Variants in PPIP5K2 observed in about 807,000 individuals in gnomAD.
The protein encoded by PPIP5K2 is diphosphoinositol pentakisphosphate kinase 2.
In PPIP5K2, 105 loss-of-function variants were observed where a neutral mutation model predicts 154.6. The observed-to-expected ratio is 0.68, with a 90% CI of 0.58 to 0.80. The LOEUF is 0.80. Ranked by LOEUF, PPIP5K2 falls within the 30% of genes least tolerant of loss-of-function variation. The pLI is 0.00. For synonymous variants in PPIP5K2, 480 were observed against 490.3 expected (o/e 0.98, Z 0.28); for missense variants, 992 against 1,504.6 (o/e 0.66, Z 5.64).
rs781784373 is a variant in PPIP5K2, at chr5:103,173,170, A to G, written c.2302A>G (p.Lys768Glu). Residue 768 changes from lysine to glutamate, a missense_variant, in exon 20 of 31, where the codon AAA (lysine) becomes GAA (glutamate). Around this residue, in one of 9 missense-constraint regions of PPIP5K2, gnomAD observed 157 missense variants for 281.2 expected, o/e 0.56. Transcript: ENST00000358359. ...TTTTGCTCAGGAATATGGTATAACT[A>G]AAGCTGAAAAACTGGAGATTGCCAA... ...IVIPQEYGIT[K>E]AEKLEIAKGY... 9.3e-6 allele frequency: 15 copies of G among 1,606,824 alleles called. No individual in the cohort carries two copies. The highest frequency in any genetic ancestry group is 1.7e-4 in the Middle Eastern group (1 of 5,996).
Position 103,204,285 on chromosome 5 carries a change from C to T in PPIP5K2, c.*2651C>T, listed in dbSNP as rs1554231598. On this transcript the variant is annotated 3_prime_UTR_variant, in exon 31 of 31. Coordinates refer to ENST00000358359, the MANE Select transcript of PPIP5K2 (RefSeq NM_001276277.3). ...TAGTGTACAGTGTTTATTAACTTTA[C>T]ATCATTTTATCCTTGCCTTACTATC... is the stretch of plus-strand genomic sequence containing the variant. 6.6e-6 allele frequency: 1 copy of T among 152,094 alleles called. No individual in the cohort carries two copies. Among genetic ancestry groups the T allele is most frequent in the African/African-American group, 2.4e-5 (1 of 41,390 alleles). The allele number at this position is 152,094 out of a possible 1,614,324, so 9.4% of individuals were successfully genotyped here. A position where few individuals can be genotyped will look rare whatever the true frequency, so the allele number is the denominator to read the frequency against.
chr5:103,192,013 T>A (rs1801320548), intron 29 of PPIP5K2, among the ~76,000 whole-genome samples: 1 of 152,110 alleles, frequency 6.6e-6, no homozygotes, highest in Non-Finnish European at 1.5e-5. Context: ...TTCTCTTTCC[T>A]GGGCCATCAC....
intron 28 of PPIP5K2, among the ~76,000 whole-genome samples, chr5:103,190,278 T>G (rs1801024109): frequency 6.6e-6 from 1 of 152,038 alleles, no homozygotes; most frequent in Non-Finnish European, 1.5e-5. Flanking sequence ...TATGTGTTAA[T>G]TCAGTAAAGG....
rs1795713640 is a variant in PPIP5K2, at chr5:103,158,202, G to A, written c.1504G>A (p.Glu502Lys). The part of the protein sequence containing the change: ...SSEEEDSRRE[E>K]PSLLLVLKWG... ...ATGTGTCATAGACAGCCGAAGAGAA[G>A]AACCATCTTTACTTTTGGTTCTAAA... The change falls in exon 15 of 31, where the codon GAA becomes AAA. Residue 502 changes from glutamate to lysine, a missense_variant. This residue lies in a region of PPIP5K2 where 163 missense variants were observed against 285.2 expected (regional missense o/e 0.57). Transcript: ENST00000358359. 6.2e-7 allele frequency: 1 copy of A among 1,613,484 alleles called. No individual in the cohort carries two copies. Among genetic ancestry groups the A allele is most frequent in the South Asian group, 1.1e-5 (1 of 91,066 alleles).
Position 103,158,480 on chromosome 5 carries a change from T to G in PPIP5K2, c.1644T>G (p.Gly548=), listed in dbSNP as rs1255632636. The change falls in exon 16 of 31, where the codon GGT becomes GGG. Residue 548 remains glycine (G), a synonymous_variant. Transcript: ENST00000358359. ...QGDYAGFPGC[G]LLRLHSTYRH... ...ATTATGCAGGATTTCCTGGTTGTGG[T>G]TTACTTAGATTACATAGCACCTACA... is the stretch of plus-strand genomic sequence containing the variant. The G allele has an allele frequency of 6.2e-7, 1 of 1,610,684 alleles. No homozygotes were observed. The highest frequency in any genetic ancestry group is 1.3e-5 in the African/African-American group (1 of 74,664).
In PPIP5K2 at chr5:103,153,857, T is replaced by G; in HGVS notation, c.1140T>G (p.Leu380=). 1 of 1,598,294 alleles carries G rather than the reference T, an allele frequency of 6.3e-7. No individual in the cohort carries two copies. Among genetic ancestry groups the G allele is most frequent in the Non-Finnish European group, 8.5e-7 (1 of 1,173,212 alleles). ...VPTTSGTMME[L]RCVIAVIRHG... is the part of the protein sequence containing the mutation. The stretch of plus-strand genomic sequence containing the variant: ...TATTTTTTCATTTTAGGATGGAACT[T>G]AGATGTGTCATAGCTGTTATACGTC... The change falls in exon 11 of 31, where the codon CTT becomes CTG. Residue 380 remains leucine (L), a synonymous_variant. Transcript: ENST00000358359.
At position 103,147,965 on chromosome 5, in the gene PPIP5K2, G is replaced by A; in HGVS notation, c.677G>A (p.Ser226Asn). 4 of 1,602,816 alleles carry A rather than the reference G, an allele frequency of 2.5e-6. No individual in the cohort carries two copies. The highest frequency in any genetic ancestry group is 2.6e-6 in the Non-Finnish European group (3 of 1,173,650). Residue 226 changes from serine to asparagine, a missense_variant, in exon 7 of 31, where the codon AGC (serine) becomes AAC (asparagine). Ser to Asn is a conservative substitution (Grantham distance 46). Coordinates refer to ENST00000358359, the MANE Select transcript of PPIP5K2 (RefSeq NM_001276277.3). ...AGAAGTAGTGTTTATTCTCCAGAAAGCAATGTACGAAAAACAGGCTCATAT... is the reference window on the plus strand; with the variant it reads ...AGAAGTAGTGTTTATTCTCCAGAAAACAATGTACGAAAAACAGGCTCATAT... ...GSRSSVYSPESNVRKTGSYIY... is the reference protein window; with the variant it reads ...GSRSSVYSPENNVRKTGSYIY...
chr5:103,127,281 G>A (rs751862149), intron 1 of PPIP5K2, among the ~76,000 whole-genome samples: 26 of 151,998 alleles, frequency 1.7e-4, no homozygotes, highest in Non-Finnish European at 3.1e-4. Context: ...ACTGGACCTG[G>A]CATTTCCTAT....
In PPIP5K2 at chr5:103,206,348, C is replaced by G. The variant is rs187729952; in HGVS notation, c.*4714C>G. 6.6e-6 allele frequency: 1 copy of G among 152,086 alleles called. No individual in the cohort carries two copies. The highest frequency in any genetic ancestry group is 1.9e-4 in the East Asian group (1 of 5,194). The allele number at this position is 152,086 out of a possible 1,614,324, so 9.4% of individuals were successfully genotyped here. ...ATATTTTTTTTGTTCATGTCCAACA[C>G]AATAAAAATTGAGGGAAGTTCTGTC... On this transcript the variant is annotated 3_prime_UTR_variant, in exon 31 of 31. Transcript: ENST00000358359.
At chr5:103,170,229 T>C (rs1554219170) in intron 19 of PPIP5K2, among the ~76,000 whole-genome samples, 1 of 151,514 alleles carries the variant, frequency 6.6e-6, no homozygotes, top group African/African-American at 2.4e-5. Context: ...CTTAAATAAA[T>C]TCATAATAAA....
rs782774532 is a variant in PPIP5K2, at chr5:103,138,104, A to C, written c.402-280A>C. Reference sequence around the variant, plus strand: ...GTGATAATATCAACTTTATTCAGCCATTTTTAAAATACATTTATGTTCTCA... The same window carrying C: ...GTGATAATATCAACTTTATTCAGCCCTTTTTAAAATACATTTATGTTCTCA... On this transcript the variant is annotated intron_variant, in intron 4 of 30. Coordinates refer to ENST00000358359, the MANE Select transcript of PPIP5K2 (RefSeq NM_001276277.3). Among the ~76,000 whole-genome samples, 3 of 152,154 alleles carry C rather than the reference A, an allele frequency of 2.0e-5. No homozygotes were observed. The East Asian group carries it at 5.8e-4, about 29-fold the overall frequency.
At chr5:103,172,069 C>T (rs1380638895) in intron 19 of PPIP5K2, among the ~76,000 whole-genome samples, 1 of 151,580 alleles carries the variant, frequency 6.6e-6, no homozygotes, top group Non-Finnish European at 1.5e-5. Context: ...AGTTTTTACC[C>T]AGACCAGCAG....
chr5:103,132,922 G>T (rs1790876406), intron 2 of PPIP5K2, among the ~76,000 whole-genome samples: 1 of 152,192 alleles, frequency 6.6e-6, no homozygotes, highest in Non-Finnish European at 1.5e-5. Flanking sequence ...GACAGGAGGG[G>T]CAAAGAGACT....
intron 27 of PPIP5K2, among the ~76,000 whole-genome samples, chr5:103,187,031 T>C (rs565182345): frequency 2.5e-4 from 38 of 152,218 alleles, no homozygotes; most frequent in African/African-American, 8.7e-4. Flanking sequence ...TAAAACATTT[T>C]CTTATTTATC....
chr5:103,180,850 A>G (rs1443545489), intron 24 of PPIP5K2, among the ~76,000 whole-genome samples: 1 of 146,864 alleles, frequency 6.8e-6, no homozygotes, highest in Non-Finnish European at 1.5e-5. Flanking sequence ...ACTCTCCCCA[A>G]AAAAAAAAAA....
intron 17 of PPIP5K2, among the ~76,000 whole-genome samples, chr5:103,160,863 T>C (rs375240149): frequency 3.3e-5 from 5 of 152,214 alleles, no homozygotes; most frequent in South Asian, 4.1e-4. Flanking sequence ...TTGGGTATAT[T>C]GTAGGAGTGG....
intron 1 of PPIP5K2, among the ~76,000 whole-genome samples, 153 bp from the exon 2 acceptor site, chr5:103,129,153 A>T (rs563003543): frequency 6.6e-6 from 1 of 152,134 alleles, no homozygotes; most frequent in Admixed American, 6.5e-5. Context: ...TGCTTTTATT[A>T]TAAGTAATTT....
At chr5:103,173,708 A>AT (rs1798302626) in intron 20 of PPIP5K2, 150 bp from the exon 21 acceptor site, 1 of 635,174 alleles carries the variant, frequency 1.6e-6, no homozygotes, top group Admixed American at 3.0e-5. Context: ...ATATACTAAG[A>AT]TAAATTCTCT....
chr5:103,182,995 T>C (rs944048467), intron 24 of PPIP5K2, among the ~76,000 whole-genome samples: 7 of 152,042 alleles, frequency 4.6e-5, no homozygotes, highest in African/African-American at 1.7e-4. Context: ...TTTCCATAGT[T>C]GTTATCACAT....
Sources: gnomAD v4.1 joint callset for allele counts (sites outside exome capture counted in the v4.1 genomes callset) on GRCh38, gnomAD v4.1.1 for gene constraint, gnomAD v4.1.1 regional missense constraint, MANE v1.5 for transcripts, NCBI Gene and HGNC (gene_info 2026-07-23, HGNC 2026-07-21) for gene names.